LRMDA: variants seen among roughly 807,000 people sequenced by gnomAD.
LRMDA encodes leucine rich melanocyte differentiation associated.
A neutral mutation model predicts 29.8 loss-of-function variants in LRMDA; 18 were observed. The observed-to-expected ratio is 0.60, with a 90% confidence interval of 0.42 to 0.90. The LOEUF (loss-of-function observed/expected upper bound fraction) is 0.90, where lower values mean the gene tolerates loss of function less well. Among genes scored for constraint, LRMDA ranks in the 40% least tolerant of loss-of-function variants. LRMDA has a pLI of 0.00. For missense variants in LRMDA, 273 were observed against 273.9 expected (o/e 1.00, Z 0.02); for synonymous variants, 125 against 109.4 (o/e 1.14, Z -0.89).
chr10:76,052,184 A>G (rs1848540836), intron 4 of LRMDA, among the ~76,000 whole-genome samples: 1 of 152,226 alleles, frequency 6.6e-6, no homozygotes, highest in Non-Finnish European at 1.5e-5. Flanking sequence ...CTGCCTCCAA[A>G]GAATAGAAGC....
chr10:76,512,036 C>A (rs892026241), intron 6 of LRMDA, among the ~76,000 whole-genome samples: 23 of 152,112 alleles, frequency 1.5e-4, no homozygotes, highest in Admixed American at 1.2e-3. Context: ...GGGAGGGACC[C>A]AGTGGGAGAT....
At chr10:76,295,120 T>C (rs1840395578) in intron 5 of LRMDA, among the ~76,000 whole-genome samples, 1 of 152,152 alleles carries the variant, frequency 6.6e-6, no homozygotes, top group South Asian at 2.1e-4. Context: ...GATGTAGCAT[T>C]TGTAAAGGAG....
At chr10:75,676,134 C>A (rs1841957210) in intron 2 of LRMDA, among the ~76,000 whole-genome samples, 1 of 143,470 alleles carries the variant, frequency 7.0e-6, no homozygotes, top group African/African-American at 3.0e-5. Context: ...CAGGTTACTG[C>A]CTTTGATTCC....
At chr10:75,717,647 A>T (rs1283171441) in intron 2 of LRMDA, among the ~76,000 whole-genome samples, 1 of 152,164 alleles carries the variant, frequency 6.6e-6, no homozygotes, top group Non-Finnish European at 1.5e-5. Context: ...TAACCTCACC[A>T]GATGACTTCA....
At chr10:76,219,909 C>T (rs1851798690) in intron 5 of LRMDA, among the ~76,000 whole-genome samples, 1 of 152,160 alleles carries the variant, frequency 6.6e-6, no homozygotes, top group South Asian at 2.1e-4. Context: ...GAAATTATAG[C>T]AAACTGTCTC....
chr10:75,541,513 C>T (rs540883442), intron 2 of LRMDA, among the ~76,000 whole-genome samples: 1 of 151,554 alleles, frequency 6.6e-6, no homozygotes, highest in East Asian at 1.9e-4. Context: ...CCAGATCCCA[C>T]ACAAGTGAAA....
chr10:75,925,671 CT>C (rs371918813), intron 2 of LRMDA, among the ~76,000 whole-genome samples: 184 of 80,388 alleles, frequency 2.3e-3, no homozygotes, highest in South Asian at 1.9e-3. Context: ...TTTTCTTTTT[CT>C]TTTTTTTTTT....
At chr10:75,927,746 A>T (rs983077047) in intron 2 of LRMDA, among the ~76,000 whole-genome samples, 4 of 152,192 alleles carry the variant, frequency 2.6e-5, no homozygotes, top group African/African-American at 9.7e-5. Flanking sequence ...AGTAAAGTAG[A>T]TTTGGACTCA....
chr10:76,128,340 C>A (rs1037341649), intron 5 of LRMDA, among the ~76,000 whole-genome samples: 12 of 152,136 alleles, frequency 7.9e-5, no homozygotes, highest in African/African-American at 2.9e-4. Flanking sequence ...AGATGGGAAA[C>A]CCTGAGTTGG....
At chr10:75,894,352 G>A (rs186989475) in intron 2 of LRMDA, among the ~76,000 whole-genome samples, 72 of 152,280 alleles carry the variant, frequency 4.7e-4, no homozygotes, top group Admixed American at 1.3e-3. Context: ...TGCAAATGCC[G>A]TTAATTCCTT....
intron 2 of LRMDA, among the ~76,000 whole-genome samples, chr10:75,578,295 A>G (rs1840537363): frequency 6.6e-6 from 1 of 151,608 alleles, no homozygotes; most frequent in African/African-American, 2.4e-5. Flanking sequence ...CAAAGATCAA[A>G]AGAGACAAAA....
intron 2 of LRMDA, among the ~76,000 whole-genome samples, chr10:75,779,752 T>C (rs1300031035): frequency 6.6e-6 from 1 of 152,174 alleles, no homozygotes; most frequent in African/African-American, 2.4e-5. Context: ...GGCTCTGGCA[T>C]CTTGTGGCTG....
intron 2 of LRMDA, among the ~76,000 whole-genome samples, chr10:76,023,738 C>T (rs141605506): frequency 3.3e-5 from 5 of 152,326 alleles, no homozygotes; most frequent in African/African-American, 9.6e-5. Flanking sequence ...GAGGCTCTCC[C>T]GAGCTGTCAT....
intron 2 of LRMDA, among the ~76,000 whole-genome samples, chr10:75,986,261 G>A (rs1294672630): frequency 3.9e-5 from 6 of 152,096 alleles, no homozygotes; most frequent in African/African-American, 7.2e-5. Flanking sequence ...CTACAATCTC[G>A]TGAAACTCTC....
chr10:76,401,222 C>G (rs1469933769), intron 6 of LRMDA, among the ~76,000 whole-genome samples: 1 of 152,064 alleles, frequency 6.6e-6, no homozygotes, highest in Non-Finnish European at 1.5e-5. Flanking sequence ...GCTCCAGTGA[C>G]TCAATGGATG....
At chr10:75,519,903 G>T (rs986793836) in intron 2 of LRMDA, among the ~76,000 whole-genome samples, 1 of 152,146 alleles carries the variant, frequency 6.6e-6, no homozygotes, top group Non-Finnish European at 1.5e-5. Context: ...GCATTTGTTT[G>T]TCTATTAAGG....
intron 5 of LRMDA, among the ~76,000 whole-genome samples, chr10:76,072,487 A>T (rs535930167): frequency 1.3e-5 from 2 of 152,380 alleles, no homozygotes; most frequent in South Asian, 4.1e-4. Context: ...TTAATTAAAA[A>T]AAAAAGTATT....
intron 2 of LRMDA, among the ~76,000 whole-genome samples, chr10:75,744,816 T>G (rs1168033320): frequency 6.6e-6 from 1 of 152,210 alleles, no homozygotes; most frequent in South Asian, 2.1e-4. Flanking sequence ...GGGACATTCC[T>G]GGCCACTGAG....
chr10:76,278,029 A>G (rs1840157844), intron 5 of LRMDA, among the ~76,000 whole-genome samples: 1 of 152,204 alleles, frequency 6.6e-6, no homozygotes, highest in Non-Finnish European at 1.5e-5. Flanking sequence ...TACTTAATCC[A>G]TTACTCAGTC....
Sources: allele counts gnomAD v4.1 joint callset (sites outside exome capture counted in the v4.1 genomes callset), GRCh38; gene constraint gnomAD v4.1.1; transcripts MANE v1.5; gene names NCBI Gene and HGNC (gene_info 2026-07-23, HGNC 2026-07-21).